ZNF341: variants seen among roughly 807,000 people sequenced by gnomAD.
The protein encoded by ZNF341 is zinc finger protein 341.
ZNF341 carries 52 observed loss-of-function variants against 87.7 expected under a neutral mutation model. That is an observed-to-expected ratio of 0.59 (90% CI 0.47 to 0.75). The LOEUF (loss-of-function observed/expected upper bound fraction) is 0.75, where lower values mean the gene tolerates loss of function less well. Ranked by LOEUF, ZNF341 falls within the 30% of genes least tolerant of loss-of-function variation. ZNF341 has a pLI of 0.00. For missense variants in ZNF341, 977 were observed against 1,145.9 expected (o/e 0.85, Z 2.13); for synonymous variants, 459 against 472.7 (o/e 0.97, Z 0.38).
chr20:33,761,758 G>A, intron 7 of ZNF341, 104 bp from the exon 8 acceptor site: 1 of 1,000,922 alleles, frequency 1.0e-6, no homozygotes, highest in Middle Eastern at 3.6e-4. Flanking sequence ...GTGGCAAGTG[G>A]CATCTGGATG....
At chr20:33,746,251 G>C (rs1465289558) in intron 3 of ZNF341, among the ~76,000 whole-genome samples, 1 of 23,418 alleles carries the variant, frequency 4.3e-5, no homozygotes, top group African/African-American at 2.0e-4. Flanking sequence ...TTTTTTTTTT[G>C]AGACGGAGTT....
intron 11 of ZNF341, among the ~76,000 whole-genome samples, chr20:33,782,681 A>G (rs2019768513): frequency 6.6e-6 from 1 of 152,208 alleles, no homozygotes; most frequent in Admixed American, 6.5e-5. Flanking sequence ...TGGGGAAACC[A>G]AGGCAGAAAG....
rs1305305665 is a variant in ZNF341 at position 33,768,268 on chromosome 20, G to GC, written c.1413+1233dup. On this transcript the variant is annotated intron_variant, in intron 9 of 14. Transcript: ENST00000375200. ...CTCCTGAGTAGCTGGGATTACAGGT[G>GC]CCCCCCACCACACCCAGCTAATTTT... Among the ~76,000 whole-genome samples the GC allele has an allele frequency of 2.0e-5, 3 of 149,598 alleles. No homozygotes were observed. In the South Asian group the frequency reaches 6.4e-4, roughly 32 times the overall value.
chr20:33,789,370 G>A (rs1238712747), intron 13 of ZNF341, 148 bp from the exon 14 acceptor site: 1 of 763,800 alleles, frequency 1.3e-6, no homozygotes, highest in Non-Finnish European at 2.3e-6. Flanking sequence ...TCCTGTCCTG[G>A]GCCCTGCCTG....
At chr20:33,760,731 A>G (rs1224964512) in intron 7 of ZNF341, among the ~76,000 whole-genome samples, 1 of 151,872 alleles carries the variant, frequency 6.6e-6, no homozygotes, top group Non-Finnish European at 1.5e-5. Flanking sequence ...TTTTGTAGAA[A>G]CAGGGTTTCA....
chr20:33,775,377 A>AT (rs757920617), intron 10 of ZNF341, among the ~76,000 whole-genome samples: 18 of 151,274 alleles, frequency 1.2e-4, no homozygotes, highest in Non-Finnish European at 2.5e-4. Flanking sequence ...TGCCCCGCTA[A>AT]TTTTTTGTAT....
chr20:33,764,562 T>TATATATATATATATA lies in ZNF341; in HGVS notation c.1223-2289_1223-2288insATATATATATATATA, dbSNP rs1491532951. 2.1e-3 allele frequency among the ~76,000 whole-genome samples: 85 copies of TATATATATATATATA among 40,208 alleles called. 1 individual carries two copies. In the East Asian group the frequency reaches 0.022, roughly 10 times the overall value. The allele number at this position is 40,208 out of a possible 152,430, so 26.4% of individuals were successfully genotyped here. On this transcript the variant is annotated intron_variant, in intron 8 of 14. Coordinates refer to ENST00000375200, the MANE Select transcript of ZNF341 (RefSeq NM_001282933.2). ...GTATGTGTATATATATATATATATA[T>TATATATATATATATA]TTTTTTTTTTTTTTTTTTTTTTTTT...
intron 1 of ZNF341, among the ~76,000 whole-genome samples, chr20:33,739,110 C>T (rs1009173010): frequency 5.3e-5 from 8 of 152,172 alleles, no homozygotes; most frequent in Admixed American, 2.0e-4. Context: ...GCTGGGATTA[C>T]AGGCACCCAC....
In ZNF341 at chr20:33,781,184, A is replaced by G. The variant is rs914777852; in HGVS notation, c.1623-107A>G. On this transcript the variant is annotated intron_variant, in intron 10 of 14. Coordinates refer to ENST00000375200, the MANE Select transcript of ZNF341 (RefSeq NM_001282933.2). ...AGAAGAGTGGATGGATTTGGAATGA[A>G]TTAACTGTAGGATGTTGCCTCCTAA... is the stretch of plus-strand genomic sequence containing the variant. The G allele has an allele frequency of 2.8e-5, 22 of 789,634 alleles. No individual in the cohort carries two copies. The African/African-American group carries it at 3.4e-4, about 12-fold the overall frequency. 48.9% of individuals were successfully genotyped at this position (789,634 alleles called of 1,614,324 possible).
rs182310054 is a variant in ZNF341 at position 33,753,128 on chromosome 20, A to G, written c.490-44A>G. 5 of 1,610,614 alleles carry G rather than the reference A, an allele frequency of 3.1e-6. No homozygotes were observed. The African/African-American group carries it at 6.7e-5, about 21-fold the overall frequency. On this transcript the variant is annotated intron_variant, in intron 4 of 14. Coordinates refer to ENST00000375200, the MANE Select transcript of ZNF341 (RefSeq NM_001282933.2). ...TCCTTCCTTCCTGATAAATAAGACAACTGGTATCAAGAGGCTATAACACTT... is the reference window on the plus strand; with the variant it reads ...TCCTTCCTTCCTGATAAATAAGACAGCTGGTATCAAGAGGCTATAACACTT...
At chr20:33,766,797 A>C (rs950384166) in intron 8 of ZNF341, 54 bp from the exon 9 acceptor site, 3 of 1,539,850 alleles carry the variant, frequency 1.9e-6, no homozygotes, top group East Asian at 4.5e-5. Context: ...GGTTCTGTGC[A>C]TCCTTCCTGA....
Position 33,745,225 on chromosome 20 carries a change from G to T in ZNF341, c.265G>T (p.Ala89Ser). Reference protein sequence around the residue: ...NAPALATVSLATNSIYPPSAA... With the variant: ...NAPALATVSLSTNSIYPPSAA... ...CCCCGCCCTGGCCACAGTCTCACTG[G>T]CCACCAACAGCATCTACCCACCTTC... Residue 89 changes from alanine (A) to serine (S), a missense_variant, in exon 3 of 15, where the codon GCC becomes TCC. By Grantham distance (99) the Ala-to-Ser change is moderately conservative. This residue lies in a region of ZNF341 where 515 missense variants were observed against 598.2 expected (regional missense o/e 0.86). Coordinates refer to ENST00000375200, the MANE Select transcript of ZNF341 (RefSeq NM_001282933.2). 6.2e-7 allele frequency: 1 copy of T among 1,614,166 alleles called. No homozygotes were observed. The highest frequency in any genetic ancestry group is 8.5e-7 in the Non-Finnish European group (1 of 1,180,032).
chr20:33,776,274 G>A (rs1458167069), intron 10 of ZNF341, among the ~76,000 whole-genome samples: 1 of 150,678 alleles, frequency 6.6e-6, no homozygotes, highest in Admixed American at 6.6e-5. Flanking sequence ...TAAACTTTTT[G>A]TAGAAACAGG....
At chr20:33,737,098 GT>G (rs1189650421) in intron 1 of ZNF341, among the ~76,000 whole-genome samples, 1 of 152,182 alleles carries the variant, frequency 6.6e-6, no homozygotes, top group East Asian at 1.9e-4. Flanking sequence ...ATGGTCTTTG[GT>G]GATGATGGGG....
intron 1 of ZNF341, 41 bp from the exon 2 acceptor site, chr20:33,740,861 G>A: frequency 6.3e-7 from 1 of 1,584,426 alleles, no homozygotes; most frequent in Non-Finnish European, 8.7e-7. Flanking sequence ...AGAGCATGAT[G>A]CTGGGCCTAC....
intron 12 of ZNF341, among the ~76,000 whole-genome samples, chr20:33,785,206 CT>C (rs948640243): frequency 6.6e-6 from 1 of 151,880 alleles, no homozygotes; most frequent in African/African-American, 2.4e-5. Context: ...AATGTTTTTC[CT>C]TTTTTTTCTT....
rs1276066872 is a variant in ZNF341, at chr20:33,749,073, G to A, written c.489+1G>A. ...GCCCCAGGGCCCCCCACCTGTGCAG[G>A]TAAGAAGGTGTGGGCTTCTCACAGG... is the stretch of plus-strand genomic sequence containing the variant. On this transcript the variant is annotated splice_donor_variant, in intron 4 of 14. Coordinates refer to ENST00000375200, the MANE Select transcript of ZNF341 (RefSeq NM_001282933.2). LOFTEE classifies it high-confidence loss of function. 1 of 1,611,934 alleles carries A rather than the reference G, an allele frequency of 6.2e-7. No individual in the cohort carries two copies. The highest frequency in any genetic ancestry group is 8.5e-7 in the Non-Finnish European group (1 of 1,178,584).
intron 12 of ZNF341, among the ~76,000 whole-genome samples, chr20:33,786,624 G>T (rs1382641437): frequency 6.6e-6 from 1 of 152,152 alleles, no homozygotes; most frequent in Non-Finnish European, 1.5e-5. Context: ...TGCATTGTAA[G>T]TTTGATATTA....
rs373530913 is a variant in ZNF341, at chr20:33,791,073, C to T, written c.2121C>T (p.Gly707=). Residue 707 remains glycine, a synonymous_variant, in exon 15 of 15, where the codon GGC becomes GGT. Coordinates refer to ENST00000375200, the MANE Select transcript of ZNF341 (RefSeq NM_001282933.2). The stretch of plus-strand genomic sequence containing the variant: ...CCGAGCATCAGCGCGCCCACACGGG[C>T]AACTACAAGTTCCGCTGTGCTGGCT... The part of the protein sequence containing the change: ...HLAEHQRAHT[G]NYKFRCAGCA... The T allele has an allele frequency of 1.2e-6, 2 of 1,613,366 alleles. No homozygotes were observed. The highest frequency in any genetic ancestry group is 1.1e-5 in the South Asian group (1 of 91,092).
Sources: gnomAD v4.1 joint callset for allele counts (sites outside exome capture counted in the v4.1 genomes callset) on GRCh38, gnomAD v4.1.1 for gene constraint, gnomAD v4.1.1 regional missense constraint, MANE v1.5 for transcripts, NCBI Gene and HGNC (gene_info 2026-07-23, HGNC 2026-07-21) for gene names.